PRKCA: variants seen among roughly 807,000 people sequenced by gnomAD.
The protein encoded by PRKCA is protein kinase C alpha, also known as protein kinase C alpha type.
Under a neutral mutation model 87.0 loss-of-function variants are expected in PRKCA, and 27 were observed. The observed-to-expected ratio is 0.31, with a 90% CI of 0.23 to 0.43. PRKCA has a LOEUF of 0.43. Among genes scored for constraint, PRKCA ranks in the 20% least tolerant of loss-of-function variants. The probability of loss-of-function intolerance (pLI) is 1.00; values close to 1 mark genes in which losing one functional copy is unlikely to be tolerated. For synonymous variants in PRKCA, 329 were observed against 311.1 expected (o/e 1.06, Z -0.61); for missense variants, 518 against 852.3 (o/e 0.61, Z 4.88).
intron 2 of PRKCA, among the ~76,000 whole-genome samples, chr17:66,433,679 G>A (rs1913219917): frequency 6.6e-6 from 1 of 152,110 alleles, no homozygotes; most frequent in African/African-American, 2.4e-5. Flanking sequence ...CGAGTAGCTG[G>A]GACTACAGGC....
At chr17:66,720,808 TG>T (rs1973595643) in intron 8 of PRKCA, among the ~76,000 whole-genome samples, 1 of 152,238 alleles carries the variant, frequency 6.6e-6, no homozygotes, top group African/African-American at 2.4e-5. Flanking sequence ...GGCCTGTCCG[TG>T]GAATCTTAGA....
At chr17:66,619,181 G>A (rs1342661922) in intron 3 of PRKCA, among the ~76,000 whole-genome samples, 2 of 152,136 alleles carry the variant, frequency 1.3e-5, no homozygotes, top group Non-Finnish European at 2.9e-5. Flanking sequence ...TTACTAAGAT[G>A]GCTCAATTGA....
intron 2 of PRKCA, among the ~76,000 whole-genome samples, chr17:66,357,969 A>G: frequency 6.6e-6 from 1 of 152,226 alleles, no homozygotes; most frequent in Admixed American, 6.5e-5. Flanking sequence ...AGAAAAGAGT[A>G]ACAAAAATTA....
intron 14 of PRKCA, chr17:66,774,824 C>T (rs1479342352): frequency 2.0e-6 from 2 of 985,288 alleles, no homozygotes; most frequent in African/African-American, 1.7e-5. Flanking sequence ...CCCATCTCCT[C>T]CTATCTCACC....
intron 2 of PRKCA, among the ~76,000 whole-genome samples, chr17:66,456,936 G>A (rs1047164616): frequency 1.3e-5 from 2 of 152,186 alleles, no homozygotes; most frequent in Non-Finnish European, 2.9e-5. Flanking sequence ...TTCTAGGTAT[G>A]CCTTAGGCCA....
chr17:66,385,339 C>T (rs879922580), intron 2 of PRKCA, among the ~76,000 whole-genome samples: 10 of 152,306 alleles, frequency 6.6e-5, no homozygotes, highest in Non-Finnish European at 1.2e-4. Context: ...AGACAGTTTA[C>T]TTTTTGTCAT....
chr17:66,352,558 GTTTT>G (rs56317931), intron 2 of PRKCA, among the ~76,000 whole-genome samples: 20 of 83,756 alleles, frequency 2.4e-4, no homozygotes, highest in African/African-American at 8.8e-4. Context: ...GTTTTTTGAG[GTTTT>G]TTTTTTTTTT....
intron 2 of PRKCA, among the ~76,000 whole-genome samples, chr17:66,483,550 A>G (rs1385720917): frequency 6.6e-6 from 1 of 151,054 alleles, no homozygotes; most frequent in Non-Finnish European, 1.5e-5. Context: ...TGCAAGCTCC[A>G]CCTCCCAGTT....
At chr17:66,419,665 G>A (rs1183611807) in intron 2 of PRKCA, among the ~76,000 whole-genome samples, 2 of 152,074 alleles carry the variant, frequency 1.3e-5, no homozygotes, top group Non-Finnish European at 2.9e-5. Flanking sequence ...TTGGTTCAAA[G>A]TTTTACTAAC....
Position 66,302,726 on chromosome 17 carries a change from G to T in PRKCA, c.-126G>T. ...CGCCGCGCCCCCTCGCCGCGACCTC[G>T]GCCACCGGCCCGCGCCCCGCGCCCG... On this transcript the variant is annotated 5_prime_UTR_variant, in exon 1 of 17. Transcript: ENST00000413366. 1.6e-6 allele frequency: 1 copy of T among 611,630 alleles called. No homozygotes were observed. Among genetic ancestry groups the T allele is most frequent in the Non-Finnish European group, 2.1e-6 (1 of 485,616 alleles). The allele number at this position is 611,630 out of a possible 1,614,324, so 37.9% of individuals were successfully genotyped here. A position where few individuals can be genotyped will look rare whatever the true frequency, so the allele number is the denominator to read the frequency against.
chr17:66,647,572 G>C (rs976492595), intron 5 of PRKCA, among the ~76,000 whole-genome samples: 2 of 152,230 alleles, frequency 1.3e-5, no homozygotes. Flanking sequence ...GAACCTTCCA[G>C]TATCTCCTAT....
intron 2 of PRKCA, among the ~76,000 whole-genome samples, chr17:66,424,568 A>ACAC (rs1598660738): frequency 2.1e-5 from 3 of 142,056 alleles, no homozygotes; most frequent in East Asian, 2.1e-4. Context: ...CCCTGTCTCA[A>ACAC]ACACACACAC....
chr17:66,761,052 C>G (rs1974671301), intron 13 of PRKCA, among the ~76,000 whole-genome samples: 1 of 152,062 alleles, frequency 6.6e-6, no homozygotes. Context: ...TCCAATTGTA[C>G]ATAGAGCCAC....
intron 2 of PRKCA, among the ~76,000 whole-genome samples, chr17:66,332,816 T>C (rs1040002557): frequency 6.6e-6 from 1 of 151,814 alleles, no homozygotes; most frequent in African/African-American, 2.4e-5. Flanking sequence ...CTCAGCCTCC[T>C]GAGTAGCTGG....
intron 10 of PRKCA, among the ~76,000 whole-genome samples, chr17:66,737,126 G>A (rs1312251648): frequency 6.6e-6 from 1 of 151,694 alleles, no homozygotes; most frequent in Non-Finnish European, 1.5e-5. Flanking sequence ...GCCAAGGCGG[G>A]CAGATCACGA....
chr17:66,712,490 A>C lies in PRKCA; in HGVS notation c.919-20198A>C, dbSNP rs369052811. Among the ~76,000 whole-genome samples the C allele has an allele frequency of 8.0e-5, 12 of 150,874 alleles. No homozygotes were observed. The South Asian group carries it at 2.5e-3, about 31-fold the overall frequency. On this transcript the variant is annotated intron_variant, in intron 8 of 16. Transcript: ENST00000413366. ...GGTGTAAAAAACTCAGATGTGGCTG[A>C]AAAGGGAAGTAATGAGAGGGGAGAA...
chr17:66,491,163 G>A (rs1370459104), intron 2 of PRKCA, among the ~76,000 whole-genome samples: 2 of 152,138 alleles, frequency 1.3e-5, no homozygotes, highest in East Asian at 3.8e-4. Flanking sequence ...TCACTGCTGG[G>A]GAGCAGACAA....
At chr17:66,384,286 G>A (rs1226300281) in intron 2 of PRKCA, among the ~76,000 whole-genome samples, 1 of 152,090 alleles carries the variant, frequency 6.6e-6, no homozygotes, top group African/African-American at 2.4e-5. Context: ...GACTTTGAAG[G>A]CTTGATCAGG....
chr17:66,722,960 T>C (rs1973649765), intron 8 of PRKCA, among the ~76,000 whole-genome samples: 1 of 152,224 alleles, frequency 6.6e-6, no homozygotes, highest in Admixed American at 6.5e-5. Context: ...GTCAGGGTCT[T>C]TTCCTACTGC....
Sources: gnomAD v4.1 joint callset for allele counts (sites outside exome capture counted in the v4.1 genomes callset) on GRCh38, gnomAD v4.1.1 for gene constraint, MANE v1.5 for transcripts, NCBI Gene and HGNC (gene_info 2026-07-23, HGNC 2026-07-21) for gene names.